TIMMDC1: variants seen among roughly 807,000 people sequenced by gnomAD.
TIMMDC1 encodes complex I assembly factor TIMMDC1, mitochondrial.
TIMMDC1 carries 25 observed loss-of-function variants against 32.6 expected under a neutral mutation model. That is an observed-to-expected ratio of 0.77 (90% CI 0.56 to 1.07). TIMMDC1 has a LOEUF of 1.07. TIMMDC1 is among the 50% of genes least tolerant of loss of function. TIMMDC1 has a pLI of 0.00. For missense variants in TIMMDC1, 329 were observed against 349.2 expected, an observed-to-expected ratio of 0.94 and a Z score of 0.46; for synonymous variants, 130 against 127.6, an observed-to-expected ratio of 1.02 and a Z score of -0.13.
At chr3:119,499,097 T>C (rs1040478908) in intron 1 of TIMMDC1, among the ~76,000 whole-genome samples, 170 bp downstream of exon 1, 38 of 147,594 alleles carry the variant, frequency 2.6e-4, no homozygotes, top group Non-Finnish European at 4.2e-4. Flanking sequence ...TCTTTCTTTT[T>C]TTTTTTTTTT....
At chr3:119,509,189 G>T (rs1577098413) in intron 4 of TIMMDC1, among the ~76,000 whole-genome samples, 1 of 111,536 alleles carries the variant, frequency 9.0e-6, no homozygotes, top group Admixed American at 1.0e-4. Flanking sequence ...CTGGGCTACA[G>T]AGTGAGACTC....
chr3:119,499,807 C>T (rs1020869266), intron 1 of TIMMDC1, among the ~76,000 whole-genome samples: 1 of 152,208 alleles, frequency 6.6e-6, no homozygotes, highest in Non-Finnish European at 1.5e-5. Flanking sequence ...ATCTTGGAAG[C>T]TTCATTAGCA....
chr3:119,522,802 GTT>G (rs1491110473), intron 6 of TIMMDC1, among the ~76,000 whole-genome samples: 3 of 126,312 alleles, frequency 2.4e-5, no homozygotes, highest in Non-Finnish European at 4.8e-5. Flanking sequence ...ACGTATGGGT[GTT>G]TGTGTGTGTG....
Position 119,500,659 on chromosome 3 carries a change from C to G in TIMMDC1, c.195-36C>G, listed in dbSNP as rs752951398. 3 of 1,591,588 alleles carry G rather than the reference C, an allele frequency of 1.9e-6. No homozygotes were observed. In the African/African-American group the frequency reaches 4.0e-5, roughly 21 times the overall value. Reference sequence around the variant, plus strand: ...TCTCTTGGAGAGCAATGTCCATAAACTAATCCCAAACAACATTGTCTTTTT... The same window carrying G: ...TCTCTTGGAGAGCAATGTCCATAAAGTAATCCCAAACAACATTGTCTTTTT... On this transcript the variant is annotated intron_variant, in intron 1 of 6. Transcript: ENST00000494664.
At chr3:119,513,264 G>T (rs1173737682) in intron 4 of TIMMDC1, among the ~76,000 whole-genome samples, 1 of 152,148 alleles carries the variant, frequency 6.6e-6, no homozygotes. Context: ...GAGTCTAGGG[G>T]AAGGCATAAA....
chr3:119,502,682 C>T (rs920152029), intron 2 of TIMMDC1, among the ~76,000 whole-genome samples: 1 of 151,872 alleles, frequency 6.6e-6, no homozygotes, highest in Non-Finnish European at 1.5e-5. Flanking sequence ...CCTCAGCCTT[C>T]CGAGTAGCTA....
At chr3:119,520,336 G>T (rs1042108407) in intron 6 of TIMMDC1, among the ~76,000 whole-genome samples, 1 of 151,688 alleles carries the variant, frequency 6.6e-6, no homozygotes, top group African/African-American at 2.4e-5. Context: ...TTGGTTTCTT[G>T]AAAACAAAAT....
chr3:119,505,292 T>A (rs916201017), intron 4 of TIMMDC1, among the ~76,000 whole-genome samples: 9 of 152,186 alleles, frequency 5.9e-5, no homozygotes, highest in Non-Finnish European at 1.2e-4. Flanking sequence ...TTAACTGCTA[T>A]ATACACTCAA....
At chr3:119,502,454 T>A (rs930292212) in intron 2 of TIMMDC1, among the ~76,000 whole-genome samples, 1 of 115,264 alleles carries the variant, frequency 8.7e-6, no homozygotes, top group African/African-American at 3.6e-5. Context: ...GGTCTCAGAG[T>A]CCTCAGCTCA....
At chr3:119,504,286 C>T (rs112976822) in intron 4 of TIMMDC1, among the ~76,000 whole-genome samples, 11 of 152,238 alleles carry the variant, frequency 7.2e-5, no homozygotes, top group Non-Finnish European at 1.0e-4. Flanking sequence ...AGTAACAATT[C>T]GGTGGAACAA....
In TIMMDC1 at chr3:119,513,859, C is replaced by G. The variant is rs1013583478; in HGVS notation, c.596+140C>G. On this transcript the variant is annotated intron_variant, in intron 5 of 6. Coordinates refer to ENST00000494664, the MANE Select transcript of TIMMDC1 (RefSeq NM_016589.4). ...ATCTCTAGTCTTGCATTGGCAGTAG[C>G]TTTGACTGTCCATTCTAATTCTACC... 5.4e-6 allele frequency: 3 copies of G among 554,768 alleles called. No homozygotes were observed. The African/African-American group carries it at 6.0e-5, about 11-fold the overall frequency. 34.4% of individuals were successfully genotyped at this position (554,768 alleles called of 1,614,324 possible).
chr3:119,498,946 T>C lies in TIMMDC1; in HGVS notation c.194+19T>C, dbSNP rs1235796691. 6.2e-7 allele frequency: 1 copy of C among 1,612,676 alleles called. No homozygotes were observed. The highest frequency in any genetic ancestry group is 8.5e-7 in the Non-Finnish European group (1 of 1,178,992). The stretch of plus-strand genomic sequence containing the variant: ...GCAAAGAGTAAAAGTGCCTAGGGTG[T>C]GAAGTGGGGTAGGGGGCCGCGAAAG... On this transcript the variant is annotated intron_variant, in intron 1 of 6. Coordinates refer to ENST00000494664, the MANE Select transcript of TIMMDC1 (RefSeq NM_016589.4).
In TIMMDC1 at chr3:119,503,513, G is replaced by A. The variant is rs1560045617; in HGVS notation, c.361-19G>A. ...TATGATGGTGTCTTAGAACCTCACAGTTTTTTAATTAACTTTAGCAATCTG... is the reference window on the plus strand; with the variant it reads ...TATGATGGTGTCTTAGAACCTCACAATTTTTTAATTAACTTTAGCAATCTG... On this transcript the variant is annotated intron_variant, in intron 2 of 6. Transcript: ENST00000494664. The A allele has an allele frequency of 9.5e-6, 15 of 1,579,120 alleles. No homozygotes were observed. The highest frequency in any genetic ancestry group is 1.3e-5 in the Non-Finnish European group (15 of 1,164,678).
At chr3:119,503,933 C>G (rs1294870520) in intron 3 of TIMMDC1, 21 bp from the exon 4 acceptor site, 2 of 1,597,696 alleles carry the variant, frequency 1.3e-6, no homozygotes, top group East Asian at 2.2e-5. Flanking sequence ...TTATATTTTC[C>G]TTCTCCTCCC....
At chr3:119,518,193 A>G (rs2081998459) in intron 6 of TIMMDC1, among the ~76,000 whole-genome samples, 1 of 152,100 alleles carries the variant, frequency 6.6e-6, no homozygotes, top group African/African-American at 2.4e-5. Context: ...CTGATAGCTG[A>G]CTTTGCACAG....
rs1175373178 is a variant in TIMMDC1 at position 119,513,622 on chromosome 3, C to T, written c.518-19C>T. 6.3e-7 allele frequency: 1 copy of T among 1,589,180 alleles called. No homozygotes were observed. ...AGTTTTAAAGATGATTTAATATTGC[C>T]TTTCTTGTTTTTAAATAGCTGTCAC... is the stretch of plus-strand genomic sequence containing the variant. On this transcript the variant is annotated intron_variant, in intron 4 of 6. Coordinates refer to ENST00000494664, the MANE Select transcript of TIMMDC1 (RefSeq NM_016589.4).
At chr3:119,523,009 G>T (rs1456832500) in intron 6 of TIMMDC1, among the ~76,000 whole-genome samples, 1 of 152,178 alleles carries the variant, frequency 6.6e-6, no homozygotes, top group Non-Finnish European at 1.5e-5. Context: ...GACCAAATCT[G>T]TGAAGAGTTG....
intron 4 of TIMMDC1, among the ~76,000 whole-genome samples, chr3:119,507,710 C>G (rs777899598): frequency 6.6e-6 from 1 of 151,986 alleles, no homozygotes; most frequent in Non-Finnish European, 1.5e-5. Flanking sequence ...TTTTAGGATG[C>G]CTTGTAATTT....
chr3:119,499,092 CTTTTTTTTT>C (rs11317621), intron 1 of TIMMDC1, 165 bp downstream of exon 1: 1 of 402,058 alleles, frequency 2.5e-6, no homozygotes, highest in Non-Finnish European at 4.4e-6. Flanking sequence ...TTTTTTCTTT[CTTTTTTTTT>C]TTTTTTTTTC....
Sources: gnomAD v4.1 joint callset for allele counts (sites outside exome capture counted in the v4.1 genomes callset) on GRCh38, gnomAD v4.1.1 for gene constraint, MANE v1.5 for transcripts, NCBI Gene and HGNC (gene_info 2026-07-23, HGNC 2026-07-21) for gene names.